The following CFAP299 variants were observed in gnomAD, a reference collection of about 807,000 sequenced individuals.
CFAP299 encodes the protein cilia and flagella associated protein 299, also known as cilia- and flagella-associated protein 299.
In CFAP299, 21 loss-of-function variants were observed where a neutral mutation model predicts 27.0. The ratio of observed to expected loss-of-function variants is 0.78; its 90% CI spans 0.55 to 1.12. The LOEUF (loss-of-function observed/expected upper bound fraction) is 1.12. CFAP299 is among the 50% of genes most tolerant of loss of function. The pLI is 0.00. For missense variants in CFAP299, 310 were observed against 276.6 expected, an observed-to-expected ratio of 1.12 and a Z score of -0.86; for synonymous variants, 104 against 98.1, an observed-to-expected ratio of 1.06 and a Z score of -0.36.
chr4:80,798,551 G>A (rs1019039822), intron 3 of CFAP299, among the ~76,000 whole-genome samples: 8 of 152,068 alleles, frequency 5.3e-5, no homozygotes, highest in African/African-American at 1.9e-4. Flanking sequence ...ACCTTTCATT[G>A]CAGGTCAGCC....
At chr4:80,954,342 G>C (rs1470143347) in intron 5 of CFAP299, among the ~76,000 whole-genome samples, 1 of 152,072 alleles carries the variant, frequency 6.6e-6, no homozygotes, top group East Asian at 1.9e-4. Context: ...ACCACTCCCA[G>C]CAAATACTCA....
chr4:80,501,299 T>C (rs1731731129), intron 2 of CFAP299, among the ~76,000 whole-genome samples: 4 of 151,554 alleles, frequency 2.6e-5, no homozygotes, highest in Admixed American at 1.3e-4. Context: ...TGCTTAATGG[T>C]AGACTTAATT....
At chr4:80,501,186 T>C (rs6848986) in intron 2 of CFAP299, among the ~76,000 whole-genome samples, 150,450 of 152,068 alleles carry the variant, frequency 0.99, 74,444 homozygotes, top group Middle Eastern at 1. Flanking sequence ...TACCTTATCC[T>C]TGCTTTTGGT....
intron 3 of CFAP299, among the ~76,000 whole-genome samples, chr4:80,791,021 T>C (rs1727532101): frequency 6.6e-6 from 1 of 152,000 alleles, no homozygotes; most frequent in Non-Finnish European, 1.5e-5. Flanking sequence ...CAATCATACA[T>C]TTTCTTCCCC....
intron 2 of CFAP299, among the ~76,000 whole-genome samples, chr4:80,540,532 CAG>C (rs1332972008): frequency 1.3e-5 from 2 of 152,092 alleles, no homozygotes; most frequent in African/African-American, 2.4e-5. Context: ...TCTGATGACA[CAG>C]AGAGATTTAC....
intron 1 of CFAP299, chr4:80,336,443 T>A (rs141052686): frequency 0.011 from 1,743 of 152,786 alleles, 36 homozygotes; most frequent in South Asian, 0.087. Context: ...TATTCCTGAT[T>A]CAAGTTTATC....
chr4:80,527,561 C>G (rs1196635217), intron 2 of CFAP299, among the ~76,000 whole-genome samples: 1 of 152,050 alleles, frequency 6.6e-6, no homozygotes, highest in African/African-American at 2.4e-5. Context: ...AAGCAAAAGC[C>G]CATCCATAAT....
intron 2 of CFAP299, among the ~76,000 whole-genome samples, chr4:80,432,345 G>A (rs1446603266): frequency 6.6e-6 from 1 of 151,866 alleles, no homozygotes; most frequent in Non-Finnish European, 1.5e-5. Flanking sequence ...TAGAGACGGG[G>A]TTTCACCATG....
intron 3 of CFAP299, among the ~76,000 whole-genome samples, chr4:80,758,087 A>G (rs1725347748): frequency 6.6e-6 from 1 of 152,190 alleles, no homozygotes; most frequent in Admixed American, 6.5e-5. Context: ...TGGATGGCTT[A>G]AGTGTTAACA....
At chr4:80,386,795 G>T in intron 2 of CFAP299, 2 of 1,077,618 alleles carry the variant, frequency 1.9e-6, no homozygotes, top group Non-Finnish European at 2.9e-6. Flanking sequence ...GCTTGTGTGC[G>T]TCGATAAAGG....
intron 2 of CFAP299, among the ~76,000 whole-genome samples, chr4:80,454,863 G>C (rs968804233): frequency 6.6e-6 from 1 of 152,092 alleles, no homozygotes; most frequent in Non-Finnish European, 1.5e-5. Flanking sequence ...AACATGGTGG[G>C]TAGGGGGTTG....
At chr4:80,858,205 G>A (rs1468566293) in intron 3 of CFAP299, among the ~76,000 whole-genome samples, 4 of 152,102 alleles carry the variant, frequency 2.6e-5, no homozygotes, top group Non-Finnish European at 5.9e-5. Context: ...AGAGGTGTTT[G>A]TAGTATTCTC....
rs528223097 is a variant in CFAP299 at position 80,465,153 on chromosome 4, T to C, written c.242+102269T>C. Among the ~76,000 whole-genome samples the C allele has an allele frequency of 2.0e-5, 3 of 152,300 alleles. No homozygotes were observed. The South Asian group carries it at 6.2e-4, about 32-fold the overall frequency. On this transcript the variant is annotated intron_variant, in intron 2 of 5. Transcript: ENST00000358105. Reference sequence around the variant, plus strand: ...TTTTTTTAAATTACTACCCTTTTCATTGTATGTATTCAACCTGCTTCCCAG... The same window carrying C: ...TTTTTTTAAATTACTACCCTTTTCACTGTATGTATTCAACCTGCTTCCCAG...
chr4:80,593,438 G>A (rs1189206783), intron 3 of CFAP299, among the ~76,000 whole-genome samples: 1 of 152,156 alleles, frequency 6.6e-6, no homozygotes, highest in African/African-American at 2.4e-5. Context: ...CTGTTGCAAT[G>A]ATAATTAAGG....
chr4:80,594,479 G>T (rs1736952564), intron 3 of CFAP299, among the ~76,000 whole-genome samples: 1 of 152,018 alleles, frequency 6.6e-6, no homozygotes, highest in East Asian at 1.9e-4. Flanking sequence ...ACTAGGATTG[G>T]GCTGAATAGG....
chr4:80,873,038 A>G (rs1053165769), intron 4 of CFAP299: 2 of 978,458 alleles, frequency 2.0e-6, no homozygotes, highest in Non-Finnish European at 2.4e-6. Flanking sequence ...AATAAACCCC[A>G]TCCTTTTTGG....
intron 3 of CFAP299, among the ~76,000 whole-genome samples, chr4:80,662,945 T>C (rs1740938628): frequency 1.3e-5 from 2 of 152,004 alleles, no homozygotes; most frequent in African/African-American, 4.8e-5. Flanking sequence ...GTGCTACTTA[T>C]CATTGAAAAG....
At chr4:80,470,090 T>C (rs1174760220) in intron 2 of CFAP299, among the ~76,000 whole-genome samples, 1 of 152,064 alleles carries the variant, frequency 6.6e-6, no homozygotes, top group Non-Finnish European at 1.5e-5. Context: ...TTTTGCCTAA[T>C]GAAAAATGCT....
intron 2 of CFAP299, among the ~76,000 whole-genome samples, chr4:80,505,938 G>A (rs907928665): frequency 6.6e-6 from 1 of 151,804 alleles, no homozygotes; most frequent in African/African-American, 2.4e-5. Flanking sequence ...CAATTACGCT[G>A]TAGTCTGGGC....
Sources: gnomAD v4.1 joint callset for allele counts (sites outside exome capture counted in the v4.1 genomes callset) on GRCh38, gnomAD v4.1.1 for gene constraint, MANE v1.5 for transcripts, NCBI Gene and HGNC (gene_info 2026-07-23, HGNC 2026-07-21) for gene names.